The following PDPN variants were observed in gnomAD, a reference collection of about 807,000 sequenced individuals.
PDPN encodes PA2.26 antigen.
A neutral mutation model predicts 23.2 loss-of-function variants in PDPN; 12 were observed. The ratio of observed to expected loss-of-function variants is 0.52; its 90% CI spans 0.33 to 0.84. The LOEUF (loss-of-function observed/expected upper bound fraction) is 0.84, where lower values mean the gene tolerates loss of function less well. Ranked by LOEUF, PDPN falls within the 40% of genes least tolerant of loss-of-function variation. PDPN has a pLI of 0.02. For missense variants in PDPN, 199 were observed against 212.2 expected (o/e 0.94, Z 0.39); for synonymous variants, 77 against 76.7 (o/e 1.00, Z -0.02).
intron 5 of PDPN, among the ~76,000 whole-genome samples, chr1:13,615,180 G>C (rs954710456): frequency 6.6e-6 from 1 of 152,138 alleles, no homozygotes; most frequent in Non-Finnish European, 1.5e-5. Context: ...TAGACTCCTA[G>C]CTTTGACTGT....
chr1:13,616,323 T>G lies in PDPN; in HGVS notation c.*412T>G, dbSNP rs565602967. 1.3e-5 allele frequency: 3 copies of G among 226,518 alleles called. No individual in the cohort carries two copies. In the South Asian group the frequency reaches 2.2e-4, roughly 16 times the overall value. 14.0% of individuals were successfully genotyped at this position (226,518 alleles called of 1,614,324 possible). ...GGAAATATTTATATCCACGGAGTCC[T>G]TGGATCCAGTGCTACGTCAGTAAAT... On this transcript the variant is annotated 3_prime_UTR_variant, in exon 6 of 6. Transcript: ENST00000621990.
chr1:13,589,204 C>T, intron 1 of PDPN, among the ~76,000 whole-genome samples: 1 of 152,214 alleles, frequency 6.6e-6, no homozygotes, highest in Admixed American at 6.5e-5. Context: ...GACAGCTCCA[C>T]CCTTTGCTTT....
chr1:13,611,220 C>CA (rs112926631), intron 3 of PDPN, among the ~76,000 whole-genome samples: 3,076 of 135,438 alleles, frequency 0.023, 57 homozygotes, highest in African/African-American at 0.056. Context: ...GAATCCGTCT[C>CA]AAAAAAAAAA....
At chr1:13,593,932 A>G (rs1230884764) in intron 1 of PDPN, among the ~76,000 whole-genome samples, 1 of 152,226 alleles carries the variant, frequency 6.6e-6, no homozygotes, top group Non-Finnish European at 1.5e-5. Context: ...TCAGTCTACA[A>G]AACTGTGAAC....
intron 1 of PDPN, among the ~76,000 whole-genome samples, chr1:13,584,798 CA>C (rs1640133479): frequency 6.7e-6 from 1 of 149,682 alleles, no homozygotes; most frequent in South Asian, 2.3e-4. Context: ...GCAACAACAT[CA>C]GTGGCTGAAT....
intron 1 of PDPN, among the ~76,000 whole-genome samples, chr1:13,585,026 G>A (rs945146173): frequency 1.3e-5 from 2 of 152,116 alleles, no homozygotes; most frequent in Non-Finnish European, 1.5e-5. Context: ...TCTGCAGGAC[G>A]CAGCTACATC....
At chr1:13,601,233 G>A (rs1048266993) in intron 1 of PDPN, among the ~76,000 whole-genome samples, 3 of 152,238 alleles carry the variant, frequency 2.0e-5, no homozygotes, top group African/African-American at 2.4e-5. Context: ...AGTGAAGAGA[G>A]CACGGATTTA....
intron 1 of PDPN, among the ~76,000 whole-genome samples, chr1:13,584,922 G>A (rs1389793520): frequency 6.6e-6 from 1 of 152,084 alleles, no homozygotes; most frequent in African/African-American, 2.4e-5. Context: ...CTTCCCGCTG[G>A]GTTGCTGTGT....
chr1:13,615,013 C>T (rs1641030664), intron 5 of PDPN: 1 of 332,692 alleles, frequency 3.0e-6, no homozygotes, highest in Admixed American at 4.5e-5. Context: ...TAATCTGATG[C>T]CTAATCAGCC....
chr1:13,616,229 G>T lies in PDPN; in HGVS notation c.*318G>T. 1 of 420,198 alleles carries T rather than the reference G, an allele frequency of 2.4e-6. No homozygotes were observed. The highest frequency in any genetic ancestry group is 4.5e-5 in the East Asian group (1 of 22,372). The allele number at this position is 420,198 out of a possible 1,614,324, so 26.0% of individuals were successfully genotyped here. On this transcript the variant is annotated 3_prime_UTR_variant, in exon 6 of 6. Transcript: ENST00000621990. ...GTAACTAACACTGGACCATTGGATC[G>T]ATATTATATGCTGTAACCATGTGTC...
chr1:13,611,945 G>A (rs991726835), intron 3 of PDPN, among the ~76,000 whole-genome samples: 13 of 152,152 alleles, frequency 8.5e-5, no homozygotes, highest in African/African-American at 1.7e-4. Flanking sequence ...CATTTGTAAC[G>A]TGGGTTGACA....
intron 2 of PDPN, among the ~76,000 whole-genome samples, chr1:13,609,072 T>A (rs1640869070): frequency 6.6e-6 from 1 of 152,202 alleles, no homozygotes; most frequent in African/African-American, 2.4e-5. Context: ...AACACAGCAA[T>A]GCCCATTCAG....
intron 1 of PDPN, among the ~76,000 whole-genome samples, chr1:13,584,867 G>C (rs552553016): frequency 2.4e-4 from 37 of 152,120 alleles, no homozygotes; most frequent in Non-Finnish European, 5.1e-4. Context: ...GGGTGGGGGC[G>C]TCCACAGCTT....
chr1:13,590,323 A>G (rs1194324579), intron 1 of PDPN, among the ~76,000 whole-genome samples: 3 of 152,228 alleles, frequency 2.0e-5, no homozygotes, highest in Admixed American at 6.5e-5. Flanking sequence ...GTAGCTTGCA[A>G]AGAGAGGCAA....
intron 1 of PDPN, among the ~76,000 whole-genome samples, chr1:13,606,765 A>G (rs1325791172): frequency 1.3e-5 from 2 of 152,208 alleles, no homozygotes; most frequent in Non-Finnish European, 2.9e-5. Flanking sequence ...GTGTGTTTAG[A>G]AATCTTTCCT....
chr1:13,591,487 C>G (rs1409726435), intron 1 of PDPN, among the ~76,000 whole-genome samples: 12 of 152,100 alleles, frequency 7.9e-5, no homozygotes, highest in African/African-American at 2.4e-4. Context: ...CCCAAGAGCC[C>G]CAAACTGTCA....
chr1:13,603,464 A>G (rs1343078556), intron 1 of PDPN, among the ~76,000 whole-genome samples: 1 of 152,178 alleles, frequency 6.6e-6, no homozygotes, highest in Admixed American at 6.5e-5. Context: ...GATAAAAGTT[A>G]TTCATAGTTA....
chr1:13,605,892 G>C (rs77713630), intron 1 of PDPN, among the ~76,000 whole-genome samples: 1 of 151,952 alleles, frequency 6.6e-6, no homozygotes, highest in Non-Finnish European at 1.5e-5. Context: ...AAGTGCTGGG[G>C]TTACAGGCGT....
intron 1 of PDPN, among the ~76,000 whole-genome samples, chr1:13,589,291 A>G (rs1640270681): frequency 6.6e-6 from 1 of 152,242 alleles, no homozygotes; most frequent in African/African-American, 2.4e-5. Flanking sequence ...GCAAATATGC[A>G]TACAAAGCGT....
Sources: gnomAD v4.1 joint callset for allele counts (sites outside exome capture counted in the v4.1 genomes callset) on GRCh38, gnomAD v4.1.1 for gene constraint, MANE v1.5 for transcripts, NCBI Gene and HGNC (gene_info 2026-07-23, HGNC 2026-07-21) for gene names.